Variants in RBFOX1 observed in about 807,000 individuals in gnomAD.
RBFOX1 encodes RNA binding fox-1 homolog 1.
A neutral mutation model predicts 57.7 loss-of-function variants in RBFOX1; 8 were observed. The observed-to-expected ratio is 0.14, with a 90% CI of 0.08 to 0.25. RBFOX1 has a LOEUF of 0.25. Ranked by LOEUF, RBFOX1 falls within the 10% of genes least tolerant of loss-of-function variation. The probability of loss-of-function intolerance (pLI) is 1.00; values close to 1 mark genes in which losing one functional copy is unlikely to be tolerated. For missense variants in RBFOX1, 611 were observed against 548.5 expected (o/e 1.11, Z -1.14); for synonymous variants, 326 against 222.4 (o/e 1.47, Z -4.15).
At chr16:6,553,515 G>T (rs1410181231) in intron 2 of RBFOX1, among the ~76,000 whole-genome samples, 1 of 152,200 alleles carries the variant, frequency 6.6e-6, no homozygotes, top group Non-Finnish European at 1.5e-5. Flanking sequence ...ACAAGTACAT[G>T]CACCTCAAAC....
At chr16:7,083,870 A>C (rs1470774009) in intron 4 of RBFOX1, among the ~76,000 whole-genome samples, 1 of 152,076 alleles carries the variant, frequency 6.6e-6, no homozygotes, top group East Asian at 1.9e-4. Context: ...TACCATCCTG[A>C]GGAATGGTGA....
chr16:6,253,272 C>T (rs552540875), intron 1 of RBFOX1, among the ~76,000 whole-genome samples: 2 of 152,296 alleles, frequency 1.3e-5, no homozygotes, highest in Admixed American at 6.5e-5. Flanking sequence ...CCTAACAGAT[C>T]TTTCCTTCAT....
At chr16:6,417,334 C>G (rs1363226308) in intron 2 of RBFOX1, among the ~76,000 whole-genome samples, 1 of 151,076 alleles carries the variant, frequency 6.6e-6, no homozygotes, top group East Asian at 2.0e-4. Flanking sequence ...CTTTCCCTTT[C>G]CATCGGCCCT....
intron 2 of RBFOX1, among the ~76,000 whole-genome samples, chr16:6,574,489 C>G (rs1291007391): frequency 7.5e-6 from 1 of 133,090 alleles, no homozygotes; most frequent in Admixed American, 9.2e-5. Flanking sequence ...AGTGCAGTGG[C>G]GCGATCTCCG....
At chr16:6,273,626 G>A (rs542624738) in intron 1 of RBFOX1, among the ~76,000 whole-genome samples, 8 of 152,114 alleles carry the variant, frequency 5.3e-5, no homozygotes, top group East Asian at 1.9e-4. Flanking sequence ...GCTTATAGGC[G>A]TGAGCCACCA....
At chr16:6,918,580 C>T (rs980467092) in intron 3 of RBFOX1, among the ~76,000 whole-genome samples, 2 of 152,106 alleles carry the variant, frequency 1.3e-5, no homozygotes, top group Non-Finnish European at 1.5e-5. Flanking sequence ...AATAAGTAAC[C>T]AGGGACATAA....
chr16:7,086,811 A>G (rs1411319216), intron 4 of RBFOX1, among the ~76,000 whole-genome samples: 1 of 152,098 alleles, frequency 6.6e-6, no homozygotes, highest in Non-Finnish European at 1.5e-5. Flanking sequence ...CCACAGATTC[A>G]TGCTAGCAAG....
chr16:6,870,966 G>A (rs761890974), intron 3 of RBFOX1, among the ~76,000 whole-genome samples: 2 of 152,150 alleles, frequency 1.3e-5, no homozygotes, highest in Non-Finnish European at 2.9e-5. Flanking sequence ...CTGTAGACCT[G>A]GATGTAAGTG....
At chr16:7,018,364 T>A (rs527991214) in intron 3 of RBFOX1, among the ~76,000 whole-genome samples, 1 of 152,300 alleles carries the variant, frequency 6.6e-6, no homozygotes, top group East Asian at 1.9e-4. Context: ...CATTAAGAGT[T>A]AGATACTTCT....
At chr16:7,656,296 T>G (rs1435198440) in intron 12 of RBFOX1, among the ~76,000 whole-genome samples, 1 of 152,160 alleles carries the variant, frequency 6.6e-6, no homozygotes, top group Non-Finnish European at 1.5e-5. Context: ...GGGAATGAAT[T>G]GGCACGGAAT....
intron 3 of RBFOX1, among the ~76,000 whole-genome samples, chr16:6,999,701 A>G (rs949483416): frequency 2.0e-5 from 3 of 152,094 alleles, no homozygotes; most frequent in South Asian, 4.1e-4. Flanking sequence ...ATTATTAAAT[A>G]TATCAGTATG....
At position 5,301,637 on chromosome 16, in the gene RBFOX1, A is replaced by C. The variant is rs867586933; in HGVS notation, c.219+61532A>C. 7.9e-3 allele frequency among the ~76,000 whole-genome samples: 1,189 copies of C among 150,736 alleles called. 8 individuals are homozygous for C. The highest frequency in any genetic ancestry group is 0.024 in the Middle Eastern group (7 of 286). ...CCATCTCAAAAAAAAAAAAAAAAAA[A>C]ACACACAAAAACAAAAAACTGAGCT... On this transcript the variant is annotated intron_variant, in intron 1 of 2. Transcript: ENST00000585867.
intron 1 of RBFOX1, among the ~76,000 whole-genome samples, chr16:6,217,048 C>A (rs1954163038): frequency 1.3e-5 from 2 of 152,126 alleles, no homozygotes; most frequent in South Asian, 2.1e-4. Flanking sequence ...GTAACCTGTT[C>A]TGACATATCC....
intron 4 of RBFOX1, among the ~76,000 whole-genome samples, chr16:7,402,605 A>G (rs1315387297): frequency 2.0e-5 from 3 of 152,294 alleles, no homozygotes; most frequent in East Asian, 1.9e-4. Context: ...ATCCTTATGC[A>G]TAATTTGAAT....
intron 2 of RBFOX1, among the ~76,000 whole-genome samples, chr16:6,383,657 C>G (rs2092013873): frequency 6.6e-6 from 1 of 152,008 alleles, no homozygotes; most frequent in African/African-American, 2.4e-5. Context: ...ATAATCCTAC[C>G]TACTCGGGAG....
chr16:6,193,416 A>ATATAT, intron 1 of RBFOX1, among the ~76,000 whole-genome samples: 2 of 123,390 alleles, frequency 1.6e-5, no homozygotes, highest in Non-Finnish European at 3.4e-5. Context: ...ATATATATAT[A>ATATAT]TATATATATA....
chr16:5,777,388 A>C (rs1018571340), intron 3 of RBFOX1, among the ~76,000 whole-genome samples: 7 of 152,192 alleles, frequency 4.6e-5, no homozygotes, highest in Admixed American at 4.6e-4. Context: ...CCTCATCTCA[A>C]GTACCTTAAT....
At chr16:7,603,727 G>GAAAGGGAA (rs1464571301) in intron 9 of RBFOX1, among the ~76,000 whole-genome samples, 3 of 152,128 alleles carry the variant, frequency 2.0e-5, no homozygotes, top group African/African-American at 7.2e-5. Flanking sequence ...GAGAGACGGG[G>GAAAGGGAA]AAAGGGAAAA....
chr16:6,396,238 T>C (rs563764449), intron 2 of RBFOX1, among the ~76,000 whole-genome samples: 1 of 152,040 alleles, frequency 6.6e-6, no homozygotes, highest in Admixed American at 6.5e-5. Context: ...TAGGCAGAAA[T>C]TGAAGGGGCT....
Sources: gnomAD v4.1 joint callset for allele counts (sites outside exome capture counted in the v4.1 genomes callset) on GRCh38, gnomAD v4.1.1 for gene constraint, MANE v1.5 for transcripts, NCBI Gene and HGNC (gene_info 2026-07-23, HGNC 2026-07-21) for gene names.